B3GNT6: variants seen among roughly 807,000 people sequenced by gnomAD.
The protein encoded by B3GNT6 is acetylgalactosaminyl-O-glycosyl-glycoprotein beta-1,3-N-acetylglucosaminyltransferase.
For synonymous variants in B3GNT6, 300 were observed against 270.0 expected, an observed-to-expected ratio of 1.11 and a Z score of -1.09; for missense variants, 624 against 568.6, an observed-to-expected ratio of 1.10 and a Z score of -0.99.
At chr11:77,035,026 G>T (rs1949622883) in intron 1 of B3GNT6, among the ~76,000 whole-genome samples, 1 of 152,178 alleles carries the variant, frequency 6.6e-6, no homozygotes, top group African/African-American at 2.4e-5. Context: ...GGGCATGGGG[G>T]TGGACGCCTG....
In B3GNT6 at chr11:77,040,463, C is replaced by T. The variant is rs575842932; in HGVS notation, c.912C>T (p.Leu304=). The change falls in exon 2 of 2, where the codon CTC becomes CTT. Residue 304 remains leucine, a synonymous_variant. Transcript: ENST00000622824. ...ALRAAARHTP[L]FPIDDAYMGM... is the part of the protein sequence containing the mutation. Reference sequence around the variant, plus strand: ...GCGCGGCCGCCCGCCACACCCCGCTCTTCCCCATCGACGACGCCTACATGG... The same window carrying T: ...GCGCGGCCGCCCGCCACACCCCGCTTTTCCCCATCGACGACGCCTACATGG... 8.0e-5 allele frequency: 123 copies of T among 1,536,428 alleles called. No homozygotes were observed. The African/African-American group carries it at 1.6e-3, about 19-fold the overall frequency.
At chr11:77,039,358 G>A (rs1205958326) in intron 1 of B3GNT6, among the ~76,000 whole-genome samples, 194 bp from the exon 2 acceptor site, 1 of 152,192 alleles carries the variant, frequency 6.6e-6, no homozygotes, top group Non-Finnish European at 1.5e-5. Flanking sequence ...CTGAAGGTCA[G>A]AGGAACGGTC....
chr11:77,039,909 C>A lies in B3GNT6; in HGVS notation c.358C>A (p.Leu120Ile). 1 of 1,592,590 alleles carries A rather than the reference C, an allele frequency of 6.3e-7. No individual in the cohort carries two copies. Among genetic ancestry groups the A allele is most frequent in the Admixed American group, 1.7e-5 (1 of 59,352 alleles). The change falls in exon 2 of 2, where the codon CTC becomes ATC. Residue 120 changes from leucine (L) to isoleucine (I), a missense_variant. Leu to Ile is a conservative substitution (Grantham distance 5). Coordinates refer to ENST00000622824, the MANE Select transcript of B3GNT6 (RefSeq NM_138706.5). The stretch of plus-strand genomic sequence containing the variant: ...CGCCGGCGGCCGAGGCGTGTTCCTG[C>A]TCCTGGCGGTGAAGTCGGCGCCTGA... ...KCAGGRGVFL[L>I]LAVKSAPEHY... is the part of the protein sequence containing the mutation.
Position 77,040,550 on chromosome 11 carries a change from C to G in B3GNT6, c.999C>G (p.Gly333=), listed in dbSNP as rs782531366. 1 of 1,578,782 alleles carries G rather than the reference C, an allele frequency of 6.3e-7. No homozygotes were observed. The highest frequency in any genetic ancestry group is 8.5e-7 in the Non-Finnish European group (1 of 1,169,966). Residue 333 remains glycine, a synonymous_variant, in exon 2 of 2, where the codon GGC becomes GGG. Transcript: ENST00000622824. ...PSGHEGIRPF[G]VQLPGAQQSS... is the part of the protein sequence containing the mutation. ...GCCACGAGGGCATCCGACCCTTCGG[C>G]GTGCAGCTGCCTGGCGCACAGCAGT... is the stretch of plus-strand genomic sequence containing the variant.
chr11:77,039,167 G>A (rs1396758674), intron 1 of B3GNT6, among the ~76,000 whole-genome samples: 1 of 152,210 alleles, frequency 6.6e-6, no homozygotes, highest in Non-Finnish European at 1.5e-5. Context: ...GCGGAGAGCA[G>A]GTAGCAGCTG....
In B3GNT6 at chr11:77,040,438, G is replaced by T. The variant is rs1555027755; in HGVS notation, c.887G>T (p.Arg296Leu). 2 of 1,529,998 alleles carry T rather than the reference G, an allele frequency of 1.3e-6. No individual in the cohort carries two copies. The highest frequency in any genetic ancestry group is 1.7e-6 in the Non-Finnish European group (2 of 1,144,420). The allele number at this position is 1,529,998 out of a possible 1,614,324, so 94.8% of individuals were successfully genotyped here. ...TCCGGCCCCACGGCCCGGGCCCTGC[G>T]CGCGGCCGCCCGCCACACCCCGCTC... is the stretch of plus-strand genomic sequence containing the variant. ...LLSGPTARAL[R>L]AAARHTPLFP... The change falls in exon 2 of 2, where the codon CGC becomes CTC. Residue 296 changes from arginine (R) to leucine (L), a missense_variant. Physicochemically the swap from Arg to Leu is moderately radical, Grantham distance 102. Coordinates refer to ENST00000622824, the MANE Select transcript of B3GNT6 (RefSeq NM_138706.5).
At position 77,039,844 on chromosome 11, in the gene B3GNT6, G is replaced by C. The variant is rs542860457; in HGVS notation, c.293G>C (p.Cys98Ser). The C allele has an allele frequency of 1.9e-6, 3 of 1,580,958 alleles. No homozygotes were observed. In the South Asian group the frequency reaches 3.4e-5, roughly 18 times the overall value. Residue 98 changes from cysteine to serine, a missense_variant, in exon 2 of 2, where the codon TGC becomes TCC. Transcript: ENST00000622824. ...RIQDFLRYRH[C>S]RHFPLLWDAP... ...CAGGACTTCCTGCGGTACCGCCACTGCCGCCACTTCCCGCTGCTTTGGGAC... is the reference window on the plus strand; with the variant it reads ...CAGGACTTCCTGCGGTACCGCCACTCCCGCCACTTCCCGCTGCTTTGGGAC...
Position 77,040,698 on chromosome 11 carries a change from G to C in B3GNT6, c.1147G>C (p.Val383Leu), listed in dbSNP as rs1424600397. Residue 383 changes from valine (V) to leucine (L), a missense_variant, in exon 2 of 2, where the codon GTC becomes CTC. Physicochemically the swap from Val to Leu is conservative, Grantham distance 32 (BLOSUM62 1). Coordinates refer to ENST00000622824, the MANE Select transcript of B3GNT6 (RefSeq NM_138706.5). ...PALSCDRGHR[V>L]S The stretch of plus-strand genomic sequence containing the variant: ...GCTCAGCTGTGACCGGGGACACCGG[G>C]TCTCCTGAGGCCAGTTGGGCGGCTT... 1.3e-6 allele frequency: 2 copies of C among 1,577,024 alleles called. No homozygotes were observed. Among genetic ancestry groups the C allele is most frequent in the African/African-American group, 1.3e-5 (1 of 74,284 alleles).
Position 77,040,089 on chromosome 11 carries a change from C to T in B3GNT6, c.538C>T (p.Arg180Cys). 6.3e-7 allele frequency: 1 copy of T among 1,590,896 alleles called. No individual in the cohort carries two copies. Among genetic ancestry groups the T allele is most frequent in the Admixed American group, 1.7e-5 (1 of 59,486 alleles). ...RLAELVALEA[R>C]EHGDVLQWAF... ...GGCGGAGCTGGTGGCGCTGGAGGCG[C>T]GCGAGCACGGCGACGTGCTGCAGTG... The change falls in exon 2 of 2, where the codon CGC becomes TGC. Residue 180 changes from arginine (R) to cysteine (C), a missense_variant. Transcript: ENST00000622824.
rs1555027843 is a variant in B3GNT6, at chr11:77,040,575, T to C, written c.1024T>C (p.Ser342Pro). The change falls in exon 2 of 2, where the codon TCC becomes CCC. Residue 342 changes from serine to proline, a missense_variant. Transcript: ENST00000622824. ...CGTGCAGCTGCCTGGCGCACAGCAG[T>C]CCTCCTTCGACCCCTGCATGTACCG... is the stretch of plus-strand genomic sequence containing the variant. Reference protein sequence around the residue: ...FGVQLPGAQQSSFDPCMYREL... With the variant: ...FGVQLPGAQQPSFDPCMYREL... The C allele has an allele frequency of 6.3e-7, 1 of 1,590,668 alleles. No homozygotes were observed. Among genetic ancestry groups the C allele is most frequent in the Non-Finnish European group, 8.5e-7 (1 of 1,175,784 alleles).
At position 77,034,409 on chromosome 11, in the gene B3GNT6, T is replaced by A. The variant is rs140730768; in HGVS notation, c.-70T>A. 20 of 152,716 alleles carry A rather than the reference T, an allele frequency of 1.3e-4. No homozygotes were observed. Among genetic ancestry groups the A allele is most frequent in the African/African-American group, 4.8e-4 (20 of 41,530 alleles). The allele number at this position is 152,716 out of a possible 1,614,324, so 9.5% of individuals were successfully genotyped here. On this transcript the variant is annotated 5_prime_UTR_variant, in exon 1 of 2. Transcript: ENST00000622824. ...CTGCGTGGAACCTCAGTGTGTGAAG[T>A]AAAGGGATTAAAGGCTAGTCTCAGG...
rs782142090 is a variant in B3GNT6, at chr11:77,039,771, G to T, written c.220G>T (p.Ala74Ser). The T allele has an allele frequency of 1.3e-6, 2 of 1,587,786 alleles. No homozygotes were observed. Among genetic ancestry groups the T allele is most frequent in the Admixed American group, 1.8e-5 (1 of 56,960 alleles). Residue 74 changes from alanine to serine, a missense_variant, in exon 2 of 2, where the codon GCC (alanine) becomes TCC (serine). Coordinates refer to ENST00000622824, the MANE Select transcript of B3GNT6 (RefSeq NM_138706.5). Reference protein sequence around the residue: ...LVPGPPCVANASANATADFEQ... With the variant: ...LVPGPPCVANSSANATADFEQ... ...CCCCGGGCCCCCGTGCGTGGCGAAC[G>T]CCTCGGCGAACGCCACGGCCGACTT...
Position 77,040,283 on chromosome 11 carries a change from C to T in B3GNT6, c.732C>T (p.His244=). The change falls in exon 2 of 2, where the codon CAC becomes CAT. Residue 244 remains histidine (H), a synonymous_variant. Transcript: ENST00000622824. ...RFLQAQPPGR[H]LFSGQLMEGS... ...TGCAGGCGCAGCCACCCGGCCGCCA[C>T]CTGTTCTCCGGCCAGCTCATGGAGG... 1.3e-6 allele frequency: 2 copies of T among 1,594,160 alleles called. No individual in the cohort carries two copies. Among genetic ancestry groups the T allele is most frequent in the African/African-American group, 1.3e-5 (1 of 74,920 alleles).
chr11:77,039,841 A>T lies in B3GNT6; in HGVS notation c.290A>T (p.His97Leu), dbSNP rs1555027471. Residue 97 changes from histidine to leucine, a missense_variant, in exon 2 of 2, where the codon CAC becomes CTC. Transcript: ENST00000622824. ...ARIQDFLRYRHCRHFPLLWDA... is the reference protein window; with the variant it reads ...ARIQDFLRYRLCRHFPLLWDA... ...ATCCAGGACTTCCTGCGGTACCGCC[A>T]CTGCCGCCACTTCCCGCTGCTTTGG... is the stretch of plus-strand genomic sequence containing the variant. 6.3e-7 allele frequency: 1 copy of T among 1,579,106 alleles called. No homozygotes were observed. Among genetic ancestry groups the T allele is most frequent in the East Asian group, 2.3e-5 (1 of 43,402 alleles).
rs1179025851 is a variant in B3GNT6, at chr11:77,040,409, C to T, written c.858C>T (p.Leu286=). 2.0e-6 allele frequency: 3 copies of T among 1,530,772 alleles called. No homozygotes were observed. Among genetic ancestry groups the T allele is most frequent in the Non-Finnish European group, 8.7e-7 (1 of 1,144,398 alleles). 94.8% of individuals were successfully genotyped at this position (1,530,772 alleles called of 1,614,324 possible). ...YPVYCSGGGF[L]LSGPTARALR... Reference sequence around the variant, plus strand: ...TGTACTGCAGCGGCGGCGGCTTCCTCCTGTCCGGCCCCACGGCCCGGGCCC... The same window carrying T: ...TGTACTGCAGCGGCGGCGGCTTCCTTCTGTCCGGCCCCACGGCCCGGGCCC... Residue 286 remains leucine (L), a synonymous_variant, in exon 2 of 2, where the codon CTC becomes CTT. Transcript: ENST00000622824.
In B3GNT6 at chr11:77,040,548, G is replaced by T. The variant is rs782127311; in HGVS notation, c.997G>T (p.Gly333Cys). ...CGGCCACGAGGGCATCCGACCCTTCGGCGTGCAGCTGCCTGGCGCACAGCA... is the reference window on the plus strand; with the variant it reads ...CGGCCACGAGGGCATCCGACCCTTCTGCGTGCAGCTGCCTGGCGCACAGCA... ...PSGHEGIRPF[G>C]VQLPGAQQSS... The change falls in exon 2 of 2, where the codon GGC (glycine) becomes TGC (cysteine). Residue 333 changes from glycine to cysteine, a missense_variant. Coordinates refer to ENST00000622824, the MANE Select transcript of B3GNT6 (RefSeq NM_138706.5). 6.3e-7 allele frequency: 1 copy of T among 1,577,574 alleles called. No individual in the cohort carries two copies. The highest frequency in any genetic ancestry group is 2.3e-5 in the East Asian group (1 of 43,228).
At chr11:77,035,075 C>T (rs1949623062) in intron 1 of B3GNT6, among the ~76,000 whole-genome samples, 1 of 152,142 alleles carries the variant, frequency 6.6e-6, no homozygotes, top group South Asian at 2.1e-4. Flanking sequence ...AGGAGAATCA[C>T]TTGAACCCGG....
chr11:77,039,712 C>G lies in B3GNT6; in HGVS notation c.161C>G (p.Ala54Gly). ...GAGACGCCAGAGGGTCCCACCGACG[C>G]TCCCGCGGCTGACGAGCCGCCCTCG... ...QEETPEGPTD[A>G]PAADEPPSEL... The change falls in exon 2 of 2, where the codon GCT becomes GGT. Residue 54 changes from alanine to glycine, a missense_variant. By Grantham distance (60) the Ala-to-Gly change is moderately conservative. Transcript: ENST00000622824. 14 of 1,606,858 alleles carry G rather than the reference C, an allele frequency of 8.7e-6. No individual in the cohort carries two copies. The highest frequency in any genetic ancestry group is 1.1e-5 in the Non-Finnish European group (13 of 1,177,778).
chr11:77,037,940 A>AAAG lies in B3GNT6; in HGVS notation c.1-1592_1-1590dup, dbSNP rs781856210. On this transcript the variant is annotated intron_variant, in intron 1 of 1. Transcript: ENST00000622824. ...AAAAAAAGAAGAAGGAGAAAGGAAG[A>AAAG]AAGAAGAAGAAGAAGAAGAAGAGGA... Among the ~76,000 whole-genome samples, 186 of 60,356 alleles carry AAAG rather than the reference A, an allele frequency of 3.1e-3. 10 individuals are homozygous for AAAG. Among genetic ancestry groups the AAAG allele is most frequent in the African/African-American group, 0.016 (159 of 9,714 alleles). 39.6% of individuals were successfully genotyped at this position (60,356 alleles called of 152,430 possible).
Sources: allele counts gnomAD v4.1 joint callset (sites outside exome capture counted in the v4.1 genomes callset), GRCh38; gene constraint gnomAD v4.1.1; transcripts MANE v1.5; gene names NCBI Gene and HGNC (gene_info 2026-07-23, HGNC 2026-07-21).